The following GMDS variants were observed in gnomAD, a reference collection of about 807,000 sequenced individuals.
GMDS encodes GDP-mannose 4,6 dehydratase.
In GMDS, 20 loss-of-function variants were observed where a neutral mutation model predicts 49.9. That is an observed-to-expected ratio of 0.40 (90% confidence interval 0.28 to 0.58). The LOEUF (loss-of-function observed/expected upper bound fraction) is 0.58. Among genes scored for constraint, GMDS ranks in the 20% least tolerant of loss-of-function variants. The pLI is 0.42. For synonymous variants in GMDS, 177 were observed against 178.6 expected (o/e 0.99, Z 0.07); for missense variants, 362 against 481.4 (o/e 0.75, Z 2.32).
intron 4 of GMDS, among the ~76,000 whole-genome samples, chr6:2,050,432 C>G (rs143628150): frequency 6.6e-6 from 1 of 152,122 alleles, no homozygotes; most frequent in Non-Finnish European, 1.5e-5. Flanking sequence ...GATTCACAGC[C>G]GAATTCTACC....
intron 9 of GMDS, among the ~76,000 whole-genome samples, chr6:1,673,284 C>T (rs939277807): frequency 3.3e-5 from 5 of 152,106 alleles, no homozygotes; most frequent in Non-Finnish European, 5.9e-5. Flanking sequence ...ACATCCATTC[C>T]CCTCCATCCC....
chr6:1,720,415 T>G (rs1429048199), intron 9 of GMDS, among the ~76,000 whole-genome samples: 1 of 152,004 alleles, frequency 6.6e-6, no homozygotes, highest in African/African-American at 2.4e-5. Flanking sequence ...GAAAGGCCAA[T>G]GTGATTAAGG....
chr6:1,879,745 C>T lies in GMDS; in HGVS notation c.771+50358G>A, dbSNP rs1390037559. Among the ~76,000 whole-genome samples the T allele has an allele frequency of 2.6e-5, 4 of 152,270 alleles. No individual in the cohort carries two copies. The East Asian group carries it at 7.7e-4, about 29-fold the overall frequency. The stretch of plus-strand genomic sequence containing the variant: ...CTGACTCTTTTCAGATTAACCAACT[C>T]AGACATCTGTTGTATTTCTAAAGCA... On this transcript the variant is annotated intron_variant, in intron 7 of 10. Transcript: ENST00000380815.
At chr6:1,761,511 T>A (rs1218890027) in intron 7 of GMDS, among the ~76,000 whole-genome samples, 20 of 152,192 alleles carry the variant, frequency 1.3e-4, no homozygotes, top group Admixed American at 1.3e-4. Context: ...GCACCATAAG[T>A]AATGTCATTT....
chr6:1,648,349 C>T (rs1763550785), intron 9 of GMDS, among the ~76,000 whole-genome samples: 1 of 152,166 alleles, frequency 6.6e-6, no homozygotes, highest in Admixed American at 6.5e-5. Flanking sequence ...CGGAAGGAAA[C>T]CTTTCTCTCC....
At chr6:1,787,909 G>A (rs571391298) in intron 7 of GMDS, among the ~76,000 whole-genome samples, 3 of 152,236 alleles carry the variant, frequency 2.0e-5, no homozygotes, top group South Asian at 2.1e-4. Context: ...GTGGACCTCC[G>A]CCTGGTGCTG....
intron 1 of GMDS, among the ~76,000 whole-genome samples, chr6:2,202,614 A>G (rs1034161282): frequency 6.6e-6 from 1 of 152,146 alleles, no homozygotes; most frequent in Admixed American, 6.5e-5. Context: ...AGGTGGGAAC[A>G]GTCACGGTAG....
chr6:1,999,537 A>G (rs1766524047), intron 4 of GMDS, among the ~76,000 whole-genome samples: 1 of 152,030 alleles, frequency 6.6e-6, no homozygotes, highest in South Asian at 2.1e-4. Flanking sequence ...ATTTTGCTAC[A>G]GTCTTGGAAT....
At chr6:2,065,003 C>G (rs1294522372) in intron 4 of GMDS, among the ~76,000 whole-genome samples, 7 of 152,180 alleles carry the variant, frequency 4.6e-5, no homozygotes, top group African/African-American at 1.2e-4. Context: ...GCAGTAACCT[C>G]TGCAGACTTA....
At chr6:1,936,969 A>G (rs78764119) in intron 6 of GMDS, among the ~76,000 whole-genome samples, 1 of 149,058 alleles carries the variant, frequency 6.7e-6, no homozygotes, top group Non-Finnish European at 1.5e-5. Context: ...TCTGTCTCAA[A>G]AAAAAAAAAA....
intron 4 of GMDS, among the ~76,000 whole-genome samples, chr6:2,047,244 G>T (rs1000986949): frequency 6.6e-6 from 1 of 152,134 alleles, no homozygotes; most frequent in African/African-American, 2.4e-5. Context: ...TCTTTGTACT[G>T]CCCTGCATAG....
At chr6:2,066,715 T>C (rs1771618999) in intron 4 of GMDS, among the ~76,000 whole-genome samples, 1 of 152,182 alleles carries the variant, frequency 6.6e-6, no homozygotes, top group Non-Finnish European at 1.5e-5. Context: ...AAGAGCTAAC[T>C]ATCCTAAATA....
At chr6:2,117,593 G>A in intron 2 of GMDS, 37 bp from the exon 3 acceptor site, 1 of 1,042,422 alleles carries the variant, frequency 9.6e-7, no homozygotes, top group Non-Finnish European at 1.5e-6. Flanking sequence ...AATGTGCAAT[G>A]AGGACTAATA....
At chr6:2,230,365 T>C (rs1324566287) in intron 1 of GMDS, among the ~76,000 whole-genome samples, 1 of 152,230 alleles carries the variant, frequency 6.6e-6, no homozygotes, top group Non-Finnish European at 1.5e-5. Flanking sequence ...ATCTCCATTC[T>C]TCAAAGACCT....
At chr6:1,652,037 C>T (rs898422045) in intron 9 of GMDS, among the ~76,000 whole-genome samples, 2 of 151,834 alleles carry the variant, frequency 1.3e-5, no homozygotes, top group African/African-American at 4.8e-5. Flanking sequence ...TGAGCTTTCT[C>T]TTGGTGGAAC....
At chr6:2,035,409 G>A (rs1178604550) in intron 4 of GMDS, among the ~76,000 whole-genome samples, 1 of 152,074 alleles carries the variant, frequency 6.6e-6, no homozygotes, top group Non-Finnish European at 1.5e-5. Flanking sequence ...ATGATATCAG[G>A]ATATGTCTTC....
intron 4 of GMDS, among the ~76,000 whole-genome samples, chr6:2,027,941 T>A (rs1768704974): frequency 6.6e-6 from 1 of 152,162 alleles, no homozygotes; most frequent in Non-Finnish European, 1.5e-5. Flanking sequence ...TCTACACTTT[T>A]GGACTCTTAA....
intron 7 of GMDS, among the ~76,000 whole-genome samples, chr6:1,830,525 G>A (rs1756573327): frequency 6.6e-6 from 1 of 152,182 alleles, no homozygotes; most frequent in South Asian, 2.1e-4. Context: ...TTCAATGTAT[G>A]TTAAGAAATA....
At chr6:1,972,371 C>T (rs2246227) in intron 4 of GMDS, among the ~76,000 whole-genome samples, 98,316 of 150,742 alleles carry the variant, frequency 0.65, 32,267 homozygotes, top group African/African-American at 0.73. Context: ...AGTTTATCAG[C>T]TGCTGATAAA....
Sources: allele counts gnomAD v4.1 joint callset (sites outside exome capture counted in the v4.1 genomes callset), GRCh38; gene constraint gnomAD v4.1.1; transcripts MANE v1.5; gene names NCBI Gene and HGNC (gene_info 2026-07-23, HGNC 2026-07-21).